GOLGA7B: variants seen among roughly 807,000 people sequenced by gnomAD.
GOLGA7B encodes golgin A7 family member B, also known as golgin subfamily A member 7B.
Under a neutral mutation model 21.5 loss-of-function variants are expected in GOLGA7B, and 17 were observed. The ratio of observed to expected loss-of-function variants is 0.79; its 90% CI spans 0.54 to 1.19. The LOEUF is 1.19. Ranked by LOEUF, GOLGA7B falls within the 50% of genes most tolerant of loss-of-function variation. The pLI, the probability that GOLGA7B is intolerant of heterozygous loss-of-function variation, is 0.00. For synonymous variants in GOLGA7B, 87 were observed against 84.0 expected, an observed-to-expected ratio of 1.04 and a Z score of -0.19; for missense variants, 169 against 224.4, an observed-to-expected ratio of 0.75 and a Z score of 1.58.
At chr10:97,863,083 C>A (rs951048193) in intron 2 of GOLGA7B, among the ~76,000 whole-genome samples, 1 of 152,134 alleles carries the variant, frequency 6.6e-6, no homozygotes, top group Non-Finnish European at 1.5e-5. Flanking sequence ...AGCTCTTGAT[C>A]ACAGCTGTGA....
Position 97,870,865 on chromosome 10 carries a change from G to C in GOLGA7B, c.*5165G>C, listed in dbSNP as rs1385177995. The C allele has an allele frequency of 2.0e-5, 3 of 152,078 alleles. No homozygotes were observed. Among genetic ancestry groups the C allele is most frequent in the African/African-American group, 7.3e-5 (3 of 41,376 alleles). 9.4% of individuals were successfully genotyped at this position (152,078 alleles called of 1,614,324 possible). Reference sequence around the variant, plus strand: ...GTTCACACCAGGAGTTCTTAACCTCGACCCGACTGCATTCAGGTGCATATT... The same window carrying C: ...GTTCACACCAGGAGTTCTTAACCTCCACCCGACTGCATTCAGGTGCATATT... On this transcript the variant is annotated 3_prime_UTR_variant, in exon 5 of 5. Transcript: ENST00000370602.
At chr10:97,857,752 G>A (rs1259951315) in intron 1 of GOLGA7B, among the ~76,000 whole-genome samples, 1 of 152,102 alleles carries the variant, frequency 6.6e-6, no homozygotes, top group Non-Finnish European at 1.5e-5. Flanking sequence ...TATACTACGA[G>A]GCTATAATAA....
At chr10:97,850,860 G>GTTT (rs564025755) in intron 1 of GOLGA7B, among the ~76,000 whole-genome samples, 8 of 137,950 alleles carry the variant, frequency 5.8e-5, no homozygotes, top group Non-Finnish European at 9.5e-5. Context: ...CCCCATTCGA[G>GTTT]TTTTTTTTTT....
chr10:97,852,592 T>C (rs1226088834), intron 1 of GOLGA7B, among the ~76,000 whole-genome samples: 2 of 152,084 alleles, frequency 1.3e-5, no homozygotes, highest in Non-Finnish European at 2.9e-5. Context: ...GATAAACTTG[T>C]TGGGAGAGGG....
At chr10:97,852,846 G>T (rs989212419) in intron 1 of GOLGA7B, among the ~76,000 whole-genome samples, 1 of 152,096 alleles carries the variant, frequency 6.6e-6, no homozygotes, top group Non-Finnish European at 1.5e-5. Flanking sequence ...CTCAGAGGAG[G>T]GATGGAGCCT....
chr10:97,863,203 G>T (rs2049982017), intron 2 of GOLGA7B, among the ~76,000 whole-genome samples: 2 of 152,206 alleles, frequency 1.3e-5, no homozygotes, highest in South Asian at 4.1e-4. Context: ...GGTCCGCGTG[G>T]TCTTAGGACC....
intron 1 of GOLGA7B, among the ~76,000 whole-genome samples, chr10:97,854,242 G>T (rs916793070): frequency 1.3e-5 from 2 of 152,218 alleles, no homozygotes; most frequent in African/African-American, 4.8e-5. Context: ...AGATGAAAGG[G>T]GCTTGAGCAA....
chr10:97,865,413 A>T, intron 4 of GOLGA7B, 177 bp from the exon 5 acceptor site: 3 of 1,056,342 alleles, frequency 2.8e-6, no homozygotes, highest in Non-Finnish European at 4.0e-6. Flanking sequence ...ATTGTTAGCT[A>T]AGTAATGTGC....
rs2049896926 is a variant in GOLGA7B, at chr10:97,850,313, G to A, written c.10G>A (p.Glu4Lys). MAT[E>K]VHNLQELRRS... ...CGAGCGCCCCCGGATCATGGCCACC[G>A]AGGTAGGGGCGAGCGCCCCACCCGC... The change falls in exon 1 of 5, where the codon GAG (glutamate) becomes AAG (lysine). Residue 4 changes from glutamate to lysine, a missense_variant and splice_region_variant. By Grantham distance (56) the Glu-to-Lys change is moderately conservative (BLOSUM62 1). Coordinates refer to ENST00000370602, the MANE Select transcript of GOLGA7B (RefSeq NM_001010917.3). 1 of 1,518,632 alleles carries A rather than the reference G, an allele frequency of 6.6e-7. No individual in the cohort carries two copies. Among genetic ancestry groups the A allele is most frequent in the Non-Finnish European group, 8.8e-7 (1 of 1,135,274 alleles). The allele number at this position is 1,518,632 out of a possible 1,614,324, so 94.1% of individuals were successfully genotyped here.
At chr10:97,857,600 T>C (rs2049944181) in intron 1 of GOLGA7B, among the ~76,000 whole-genome samples, 2 of 152,288 alleles carry the variant, frequency 1.3e-5, no homozygotes, top group African/African-American at 2.4e-5. Flanking sequence ...ATATCATTTT[T>C]CACAGAATTA....
Position 97,865,601 on chromosome 10 carries a change from C to T in GOLGA7B, c.405C>T (p.Ser135=). The T allele has an allele frequency of 3.1e-6, 5 of 1,613,574 alleles. No homozygotes were observed. Among genetic ancestry groups the T allele is most frequent in the Non-Finnish European group, 4.2e-6 (5 of 1,179,570 alleles). The change falls in exon 5 of 5, where the codon TCC becomes TCT. Residue 135 remains serine, a synonymous_variant. Coordinates refer to ENST00000370602, the MANE Select transcript of GOLGA7B (RefSeq NM_001010917.3). ...VERGMRVIEI[S]IYEDRCSSGS... ...ACCACCGACCCCAGATTGAGATCTC[C>T]ATCTACGAGGACCGGTGCAGCAGTG...
intron 2 of GOLGA7B, among the ~76,000 whole-genome samples, chr10:97,862,645 C>G (rs1031623300): frequency 1.3e-5 from 2 of 152,106 alleles, no homozygotes; most frequent in African/African-American, 4.8e-5. Context: ...ATCTTGCTGT[C>G]TCAGGGGTGG....
intron 1 of GOLGA7B, among the ~76,000 whole-genome samples, chr10:97,850,594 C>T (rs1564863504): frequency 6.6e-6 from 1 of 152,192 alleles, no homozygotes; most frequent in Non-Finnish European, 1.5e-5. Flanking sequence ...TTTCCCCTTC[C>T]CTGGACTTCA....
intron 1 of GOLGA7B, 84 bp downstream of exon 1, chr10:97,850,399 G>A (rs1383509068): frequency 3.2e-6 from 4 of 1,242,118 alleles, no homozygotes; most frequent in East Asian, 5.9e-5. Context: ...AGGAGTGGGA[G>A]GCGGGAGTTG....
In GOLGA7B at chr10:97,865,690, G is replaced by T. The variant is rs753416888; in HGVS notation, c.494G>T (p.Gly165Val). The T allele has an allele frequency of 4.4e-6, 7 of 1,606,208 alleles. No individual in the cohort carries two copies. The Admixed American group carries it at 8.4e-5, about 19-fold the overall frequency. ...AGCAGCGGTGGGGGTGGTGGGGCGG[G>T]GGCCCGGTGACTGGCCGAGAGTCCC... is the stretch of plus-strand genomic sequence containing the variant. ...GSSSGGGGGA[G>V]AR The change falls in exon 5 of 5, where the codon GGG becomes GTG. Residue 165 changes from glycine (G) to valine (V), a missense_variant. Gly to Val is a moderately radical substitution (Grantham distance 109). Coordinates refer to ENST00000370602, the MANE Select transcript of GOLGA7B (RefSeq NM_001010917.3).
chr10:97,865,468 C>G (rs1427571777), intron 4 of GOLGA7B, 122 bp from the exon 5 acceptor site: 9 of 1,515,104 alleles, frequency 5.9e-6, no homozygotes, highest in Non-Finnish European at 7.1e-6. Context: ...CTTTACATCC[C>G]TACTGTCTAG....
intron 3 of GOLGA7B, 25 bp from the exon 4 acceptor site, chr10:97,864,143 C>T: frequency 6.2e-7 from 1 of 1,614,040 alleles, no homozygotes; most frequent in Non-Finnish European, 8.5e-7. Context: ...GCATGCTCAT[C>T]CTTGTCTGGC....
rs1003728986 is a variant in GOLGA7B, at chr10:97,855,445, A to G, written c.13-4013A>G. Among the ~76,000 whole-genome samples the G allele has an allele frequency of 3.9e-5, 6 of 152,330 alleles. 1 individual carries two copies. Among genetic ancestry groups the G allele is most frequent in the Admixed American group, 3.9e-4 (6 of 15,306 alleles). On this transcript the variant is annotated intron_variant, in intron 1 of 4. Transcript: ENST00000370602. The stretch of plus-strand genomic sequence containing the variant: ...GGTCAGAGGACAGGAAGCTGAGTCC[A>G]TATCAGAATGGTTTCTTCCCTTTCT...
intron 1 of GOLGA7B, among the ~76,000 whole-genome samples, chr10:97,853,800 C>T (rs2049918822): frequency 1.3e-5 from 2 of 152,298 alleles, no homozygotes; most frequent in Admixed American, 6.5e-5. Flanking sequence ...CGGATCTCTG[C>T]TGAAAACCCC....
Sources: gnomAD v4.1 joint callset for allele counts (sites outside exome capture counted in the v4.1 genomes callset) on GRCh38, gnomAD v4.1.1 for gene constraint, MANE v1.5 for transcripts, NCBI Gene and HGNC (gene_info 2026-07-23, HGNC 2026-07-21) for gene names.